Variants in FILIP1 observed in about 807,000 individuals in gnomAD.
FILIP1 encodes filamin A interacting protein 1.
In FILIP1, 61 loss-of-function variants were observed where a neutral mutation model predicts 102.1. The observed-to-expected ratio is 0.60, with a 90% CI of 0.49 to 0.74. The LOEUF is 0.74. Ranked by LOEUF, FILIP1 falls within the 30% of genes least tolerant of loss-of-function variation. The pLI is 0.00. For synonymous variants in FILIP1, 491 were observed against 526.9 expected (o/e 0.93, Z 0.93); for missense variants, 1,314 against 1,441.2 (o/e 0.91, Z 1.43).
At position 75,414,860 on chromosome 6, in the gene FILIP1, T is replaced by C; in HGVS notation, c.113A>G (p.Lys38Arg). 1 of 1,613,988 alleles carries C rather than the reference T, an allele frequency of 6.2e-7. No homozygotes were observed. The highest frequency in any genetic ancestry group is 2.2e-5 in the East Asian group (1 of 44,876). Residue 38 changes from lysine to arginine, a missense_variant, in exon 2 of 6, where the codon AAG (lysine) becomes AGG (arginine). By Grantham distance (26) the Lys-to-Arg change is conservative (BLOSUM62 2). Transcript: ENST00000237172. ...CTCCTTCCTATTTGATTTCTTCTTC[T>C]TTTTTGCATCTTCTGAGAGACTTTT... Reference protein sequence around the residue: ...GEKSLSEDAKKKKKSNRKEDD... With the variant: ...GEKSLSEDAKRKKKSNRKEDD...
intron 1 of FILIP1, among the ~76,000 whole-genome samples, chr6:75,432,465 C>G (rs374637097): frequency 4.5e-4 from 69 of 152,252 alleles, no homozygotes; most frequent in African/African-American, 1.6e-3. Context: ...ACAGAGAGAG[C>G]TGGAGAAATT....
chr6:75,468,425 T>C (rs1209190012), intron 1 of FILIP1, among the ~76,000 whole-genome samples: 6 of 152,214 alleles, frequency 3.9e-5, no homozygotes, highest in Non-Finnish European at 1.5e-5. Context: ...TGTGAGAGGA[T>C]ATTAAATCCA....
chr6:75,345,095 A>G (rs946294070), intron 4 of FILIP1, among the ~76,000 whole-genome samples: 8 of 152,190 alleles, frequency 5.3e-5, no homozygotes, highest in African/African-American at 1.4e-4. Context: ...CTTTTCTAAA[A>G]TAAGAGATAT....
intron 2 of FILIP1, among the ~76,000 whole-genome samples, chr6:75,376,949 A>G (rs957887506): frequency 6.6e-6 from 1 of 152,194 alleles, no homozygotes; most frequent in Non-Finnish European, 1.5e-5. Context: ...TCAAAAGATT[A>G]TATTACAGCA....
downstream of FILIP1, among the ~76,000 whole-genome samples, chr6:75,304,855 C>T (rs1211434922): frequency 6.6e-6 from 1 of 152,130 alleles, no homozygotes; most frequent in African/African-American, 2.4e-5. Context: ...TGTCTTTTAG[C>T]TCTGGCTGAT....
chr6:75,335,821 GA>G (rs927431710), intron 4 of FILIP1, among the ~76,000 whole-genome samples: 7 of 151,810 alleles, frequency 4.6e-5, no homozygotes, highest in East Asian at 3.9e-4. Flanking sequence ...AAAAGAATAT[GA>G]AAAAAAATAA....
At chr6:75,353,096 A>G (rs1774866877) in intron 4 of FILIP1, among the ~76,000 whole-genome samples, 2 of 151,534 alleles carry the variant, frequency 1.3e-5, no homozygotes, top group Admixed American at 1.3e-4. Context: ...TAGGAGATAT[A>G]CCTAATGTAA....
At chr6:75,328,114 AT>A (rs957077861) in intron 4 of FILIP1, among the ~76,000 whole-genome samples, 25 of 152,174 alleles carry the variant, frequency 1.6e-4, no homozygotes, top group Non-Finnish European at 3.5e-4. Flanking sequence ...GAACCTATGG[AT>A]TTTTTTAAAA....
intron 1 of FILIP1, among the ~76,000 whole-genome samples, chr6:75,449,730 C>T (rs1778558844): frequency 6.6e-6 from 1 of 151,754 alleles, no homozygotes; most frequent in East Asian, 1.9e-4. Flanking sequence ...ACTGCTATGG[C>T]AAAAATCCTC....
intron 2 of FILIP1, among the ~76,000 whole-genome samples, chr6:75,393,373 A>G (rs1273842642): frequency 6.6e-6 from 1 of 152,172 alleles, no homozygotes; most frequent in African/African-American, 2.4e-5. Flanking sequence ...AAGAAAACAA[A>G]TATCATTTTC....
At chr6:75,388,594 A>T (rs1454098559) in intron 2 of FILIP1, among the ~76,000 whole-genome samples, 1 of 152,082 alleles carries the variant, frequency 6.6e-6, no homozygotes, top group Admixed American at 6.5e-5. Flanking sequence ...GAGGTCCTTC[A>T]CATTTCTTGT....
intron 1 of FILIP1, among the ~76,000 whole-genome samples, chr6:75,477,590 TA>T (rs922941966): frequency 1.3e-5 from 2 of 151,410 alleles, no homozygotes; most frequent in Non-Finnish European, 2.9e-5. Context: ...TTTAAATACC[TA>T]AAAAAATAGA....
In FILIP1 at chr6:75,315,003, C is replaced by T. The variant is rs1274010938; in HGVS notation, c.829G>A (p.Glu277Lys). ...KVQDLTQKLR[E>K]EEEKLKAITS... ...ATGGCTTTGAGCTTCTCTTCTTCTTCCCTCAGCTTCTGAGTAAGATCCTGT... is the reference window on the plus strand; with the variant it reads ...ATGGCTTTGAGCTTCTCTTCTTCTTTCCTCAGCTTCTGAGTAAGATCCTGT... The change falls in exon 5 of 6, where the codon GAA becomes AAA. Residue 277 changes from glutamate to lysine, a missense_variant. Glu to Lys is a moderately conservative substitution (Grantham distance 56). Coordinates refer to ENST00000237172, the MANE Select transcript of FILIP1 (RefSeq NM_015687.5). 1.2e-6 allele frequency: 2 copies of T among 1,613,830 alleles called. No homozygotes were observed. The highest frequency in any genetic ancestry group is 1.7e-6 in the Non-Finnish European group (2 of 1,179,994).
At chr6:75,365,692 A>T (rs908960293) in intron 2 of FILIP1, among the ~76,000 whole-genome samples, 3 of 150,232 alleles carry the variant, frequency 2.0e-5, no homozygotes, top group Non-Finnish European at 4.4e-5. Flanking sequence ...TGGCCTAAGG[A>T]CTGTTTTTAA....
intron 4 of FILIP1, among the ~76,000 whole-genome samples, chr6:75,328,008 G>A (rs575400778): frequency 2.8e-4 from 42 of 152,262 alleles, no homozygotes; most frequent in African/African-American, 9.9e-4. Flanking sequence ...TCATGATGAT[G>A]CAATCAGAAA....
exon 7 of FILIP1, chr6:75,294,309 T>G (rs1432065463): frequency 6.6e-6 from 1 of 152,164 alleles, no homozygotes; most frequent in Admixed American, 6.5e-5. Context: ...CTCAGAAGCA[T>G]TCTCTCTTTA....
At chr6:75,294,998 C>G (rs1380992787) in exon 7 of FILIP1, 2 of 151,372 alleles carry the variant, frequency 1.3e-5, no homozygotes, top group Non-Finnish European at 2.9e-5. Flanking sequence ...ACCCACCATG[C>G]CCAGTCTTAT....
At chr6:75,304,665 C>G (rs1772931399), downstream of FILIP1, among the ~76,000 whole-genome samples, 3 of 152,064 alleles carry the variant, frequency 2.0e-5, no homozygotes. Flanking sequence ...CTTCAACCAT[C>G]AAAACAATAA....
intron 2 of FILIP1, among the ~76,000 whole-genome samples, chr6:75,409,016 C>T (rs1776967316): frequency 6.6e-6 from 1 of 152,100 alleles, no homozygotes; most frequent in South Asian, 2.1e-4. Flanking sequence ...TTTTGTCTCC[C>T]TGGTGTAAAA....
Sources: allele counts gnomAD v4.1 joint callset (sites outside exome capture counted in the v4.1 genomes callset), GRCh38; gene constraint gnomAD v4.1.1; transcripts MANE v1.5; gene names NCBI Gene and HGNC (gene_info 2026-07-23, HGNC 2026-07-21).